The following PHF7 variants were observed in gnomAD, a reference collection of about 807,000 sequenced individuals.
The protein encoded by PHF7 is E3 ubiquitin-protein ligase PHF7.
Under a neutral mutation model 47.5 loss-of-function variants are expected in PHF7, and 24 were observed. The observed-to-expected ratio is 0.51, with a 90% confidence interval of 0.37 to 0.71. The LOEUF (loss-of-function observed/expected upper bound fraction) is 0.71, where lower values mean the gene tolerates loss of function less well. Among genes scored for constraint, PHF7 ranks in the 30% least tolerant of loss-of-function variants. The pLI is 0.00. For missense variants in PHF7, 361 were observed against 456.8 expected (o/e 0.79, Z 1.91); for synonymous variants, 156 against 153.8 (o/e 1.01, Z -0.11).
chr3:52,421,022 C>G lies in PHF7; in HGVS notation c.533C>G (p.Pro178Arg). 6 of 1,612,932 alleles carry G rather than the reference C, an allele frequency of 3.7e-6. No homozygotes were observed. The highest frequency in any genetic ancestry group is 5.1e-6 in the Non-Finnish European group (6 of 1,179,476). The change falls in exon 7 of 11, where the codon CCG becomes CGG. Residue 178 changes from proline to arginine, a missense_variant. Coordinates refer to ENST00000327906, the MANE Select transcript of PHF7 (RefSeq NM_016483.7). ...SQQSVENIQS[P>R]CCSQAIYHRK... is the part of the protein sequence containing the mutation. ...CAGAGTGTTGAGAACATCCAGAGCC[C>G]GTGTTGTAGTCAAGCCATCTACCAC... is the stretch of plus-strand genomic sequence containing the variant.
intron 2 of PHF7, among the ~76,000 whole-genome samples, chr3:52,413,310 C>T (rs868293912): frequency 1.2e-4 from 19 of 152,238 alleles, no homozygotes; most frequent in African/African-American, 4.1e-4. Flanking sequence ...AATAGTGCCT[C>T]GCAACAGGAA....
In PHF7 at chr3:52,421,222, A is replaced by G. The variant is rs188561735; in HGVS notation, c.573+160A>G. On this transcript the variant is annotated intron_variant, in intron 7 of 10. Transcript: ENST00000327906. The stretch of plus-strand genomic sequence containing the variant: ...CAGGCAGTTAGAGGAAAGTCAGTCC[A>G]GTCTGTGGTCATTCCTGGCCTATAG... 4.2e-4 allele frequency among the ~76,000 whole-genome samples: 64 copies of G among 152,352 alleles called. No individual in the cohort carries two copies. In the East Asian group the frequency reaches 0.011, roughly 27 times the overall value.
At position 52,423,524 on chromosome 3, in the gene PHF7, G is replaced by C. The variant is rs563811631; in HGVS notation, c.*207G>C. 1 of 491,532 alleles carries C rather than the reference G, an allele frequency of 2.0e-6. No individual in the cohort carries two copies. Among genetic ancestry groups the C allele is most frequent in the African/African-American group, 1.9e-5 (1 of 51,984 alleles). The allele number at this position is 491,532 out of a possible 1,614,324, so 30.4% of individuals were successfully genotyped here. ...GAAATGCGTTTATGGCTACAAGAGT[G>C]CCTCTGCTTTCTCCTCCTCTCCTCC... On this transcript the variant is annotated 3_prime_UTR_variant, in exon 11 of 11. Transcript: ENST00000327906.
At chr3:52,416,168 A>G in intron 4 of PHF7, among the ~76,000 whole-genome samples, 1 of 147,544 alleles carries the variant, frequency 6.8e-6, no homozygotes, top group East Asian at 2.0e-4. Flanking sequence ...GGCCATTCAC[A>G]TATTTTCTTT....
rs1705768929 is a variant in PHF7, at chr3:52,420,948, G to T, written c.459G>T (p.Gly153=). 1 of 1,613,252 alleles carries T rather than the reference G, an allele frequency of 6.2e-7. No homozygotes were observed. Among genetic ancestry groups the T allele is most frequent in the Admixed American group, 1.7e-5 (1 of 59,930 alleles). ...KHRPTQNIQH[G]HVGEESCILC... ...GCCCAACACAGAACATCCAACATGG[G>T]CATGTGGGGGAGGAAAGCTGCATCT... Residue 153 remains glycine, a synonymous_variant, in exon 7 of 11, where the codon GGG becomes GGT. Coordinates refer to ENST00000327906, the MANE Select transcript of PHF7 (RefSeq NM_016483.7).
At chr3:52,422,972 G>A (rs552893157) in intron 10 of PHF7, 91 bp downstream of exon 10, 6 of 1,568,202 alleles carry the variant, frequency 3.8e-6, no homozygotes, top group Non-Finnish European at 5.3e-6. Context: ...TCCCACCAGA[G>A]GGGGATTAAT....
At chr3:52,422,379 C>A in intron 9 of PHF7, 41 bp downstream of exon 9, 1 of 1,267,846 alleles carries the variant, frequency 7.9e-7, no homozygotes, top group Non-Finnish European at 1.2e-6. Context: ...CTCATCAGTG[C>A]TATCTTAGAG....
chr3:52,412,113 C>A (rs1705462538), intron 1 of PHF7, among the ~76,000 whole-genome samples: 1 of 151,756 alleles, frequency 6.6e-6, no homozygotes, highest in African/African-American at 2.4e-5. Context: ...GAGGCTGAGT[C>A]AGGAAGATCA....
chr3:52,411,033 T>C lies in PHF7; in HGVS notation c.-284T>C, dbSNP rs1352053684. 6.6e-6 allele frequency: 1 copy of C among 152,238 alleles called. No individual in the cohort carries two copies. The highest frequency in any genetic ancestry group is 1.5e-5 in the Non-Finnish European group (1 of 68,042). 9.4% of individuals were successfully genotyped at this position (152,238 alleles called of 1,614,324 possible). On this transcript the variant is annotated 5_prime_UTR_variant, in exon 1 of 11. Coordinates refer to ENST00000327906, the MANE Select transcript of PHF7 (RefSeq NM_016483.7). Reference sequence around the variant, plus strand: ...ATTTTTTATTTTCTCAACAAGCTTTTACCCAGCACCTGTCCAGTGAAACAA... The same window carrying C: ...ATTTTTTATTTTCTCAACAAGCTTTCACCCAGCACCTGTCCAGTGAAACAA...
intron 4 of PHF7, among the ~76,000 whole-genome samples, chr3:52,419,383 A>T (rs1356603977): frequency 6.6e-6 from 1 of 152,182 alleles, no homozygotes; most frequent in Admixed American, 6.5e-5. Context: ...AGCCTTCATT[A>T]AATAAATTAC....
intron 4 of PHF7, among the ~76,000 whole-genome samples, chr3:52,418,699 T>A (rs1057439796): frequency 6.6e-6 from 1 of 152,202 alleles, no homozygotes; most frequent in Non-Finnish European, 1.5e-5. Context: ...AATAGCCAGC[T>A]CTGCTCCTCC....
chr3:52,412,338 T>A (rs1188147285), intron 1 of PHF7, among the ~76,000 whole-genome samples: 1 of 152,226 alleles, frequency 6.6e-6, no homozygotes, highest in Non-Finnish European at 1.5e-5. Context: ...CTTATCTAGC[T>A]TTCACTGGGT....
intron 7 of PHF7, 34 bp from the exon 8 acceptor site, chr3:52,421,614 A>G: frequency 8.0e-7 from 1 of 1,248,420 alleles, no homozygotes. Context: ...AAGGGTTTTT[A>G]CAAACACAGA....
chr3:52,420,575 A>G, intron 6 of PHF7, 140 bp downstream of exon 6: 1 of 853,864 alleles, frequency 1.2e-6, no homozygotes. Flanking sequence ...AATAAGAAAC[A>G]GTGTCTTGAC....
chr3:52,416,477 C>G (rs1341433930), intron 4 of PHF7, among the ~76,000 whole-genome samples: 1 of 151,300 alleles, frequency 6.6e-6, no homozygotes, highest in African/African-American at 2.4e-5. Flanking sequence ...AGCCACCGCG[C>G]CTGGCCCGGC....
chr3:52,418,788 T>C (rs985139174), intron 4 of PHF7, among the ~76,000 whole-genome samples: 40 of 151,842 alleles, frequency 2.6e-4, no homozygotes, highest in African/African-American at 9.7e-4. Flanking sequence ...AGCATCATAA[T>C]AGCATCTGCC....
intron 3 of PHF7, 123 bp downstream of exon 3, chr3:52,414,171 C>CT: frequency 1.5e-6 from 1 of 685,936 alleles, no homozygotes; most frequent in Non-Finnish European, 2.6e-6. Flanking sequence ...CCTAGATTCT[C>CT]TAAGATCTTG....
At position 52,423,603 on chromosome 3, in the gene PHF7, C is replaced by G; in HGVS notation, c.*286C>G. ...TTTTCATATGCCTCTTCTTACTTCA[C>G]CCATGTTTGTTGTTATGCAAATAAA... On this transcript the variant is annotated 3_prime_UTR_variant, in exon 11 of 11. Coordinates refer to ENST00000327906, the MANE Select transcript of PHF7 (RefSeq NM_016483.7). The G allele has an allele frequency of 3.2e-6, 1 of 312,046 alleles. No homozygotes were observed. Among genetic ancestry groups the G allele is most frequent in the East Asian group, 6.5e-5 (1 of 15,398 alleles). 19.3% of individuals were successfully genotyped at this position (312,046 alleles called of 1,614,324 possible).
intron 3 of PHF7, 118 bp from the exon 4 acceptor site, chr3:52,414,378 A>G: frequency 1.4e-6 from 1 of 693,920 alleles, no homozygotes; most frequent in East Asian, 2.5e-5. Context: ...CCTTGCCAAA[A>G]TGACCCTTTT....
Sources: gnomAD v4.1 joint callset for allele counts (sites outside exome capture counted in the v4.1 genomes callset) on GRCh38, gnomAD v4.1.1 for gene constraint, MANE v1.5 for transcripts, NCBI Gene and HGNC (gene_info 2026-07-23, HGNC 2026-07-21) for gene names.